C2orf74: variants seen among roughly 807,000 people sequenced by gnomAD.
C2orf74 encodes DPM1 ER membrane anchor 1, also known as uncharacterized protein C2orf74.
Under a neutral mutation model 17.9 loss-of-function variants are expected in C2orf74, and 14 were observed. The ratio of observed to expected loss-of-function variants is 0.78; its 90% CI spans 0.52 to 1.22. The LOEUF (loss-of-function observed/expected upper bound fraction) is 1.22. C2orf74 is among the 50% of genes most tolerant of loss of function. The probability of loss-of-function intolerance (pLI) is 0.00; values close to 1 mark genes in which losing one functional copy is unlikely to be tolerated. For synonymous variants in C2orf74, 79 were observed against 72.6 expected (o/e 1.09, Z -0.44); for missense variants, 217 against 218.4 (o/e 0.99, Z 0.04).
intron 1 of C2orf74, among the ~76,000 whole-genome samples, chr2:61,150,109 G>C (rs1024448691): frequency 6.6e-6 from 1 of 152,186 alleles, no homozygotes; most frequent in African/African-American, 2.4e-5. Context: ...GATATTCTCT[G>C]TAGGGCCAGG....
rs1277108635 is a variant in C2orf74 at position 61,164,775 on chromosome 2, A to G, written c.*248A>G. ...AATTGATTGTATTGCCCTTAAAACT[A>G]TCTACTCAAACACTGTTCTGGCATG... On this transcript the variant is annotated 3_prime_UTR_variant, in exon 5 of 5. Coordinates refer to ENST00000432605, the MANE Select transcript of C2orf74 (RefSeq NM_001143959.4). 6.4e-6 allele frequency: 2 copies of G among 314,342 alleles called. No homozygotes were observed. Among genetic ancestry groups the G allele is most frequent in the East Asian group, 1.2e-4 (2 of 16,572 alleles). 19.5% of individuals were successfully genotyped at this position (314,342 alleles called of 1,614,324 possible).
intron 4 of C2orf74, among the ~76,000 whole-genome samples, 176 bp downstream of exon 4, chr2:61,163,408 A>T (rs1685630811): frequency 6.6e-6 from 1 of 152,160 alleles, no homozygotes; most frequent in Admixed American, 6.5e-5. Context: ...CATCGAGACC[A>T]GCCTGGCCAA....
upstream of C2orf74, chr2:61,161,844 A>G (rs1685571587): frequency 1.3e-5 from 2 of 152,246 alleles, no homozygotes. Flanking sequence ...CCTTGAGCTC[A>G]GGGCTATAGA....
chr2:61,158,142 A>T (rs984451341), upstream of C2orf74: 11 of 377,950 alleles, frequency 2.9e-5, no homozygotes, highest in Non-Finnish European at 5.3e-5. Context: ...CATCTTCTGG[A>T]TAGTGCCTGA....
intron 1 of C2orf74, among the ~76,000 whole-genome samples, chr2:61,156,609 C>T (rs979657689): frequency 1.1e-4 from 17 of 151,820 alleles, no homozygotes; most frequent in Admixed American, 2.0e-4. Context: ...ATTGGCCGGG[C>T]GTGGTGGCTC....
intron 4 of C2orf74, 114 bp downstream of exon 4, chr2:61,163,346 C>A: frequency 8.8e-7 from 1 of 1,142,198 alleles, no homozygotes; most frequent in African/African-American, 1.6e-5. Flanking sequence ...GGGTGGCTCA[C>A]GCCTGTAATC....
At chr2:61,153,023 A>G (rs1573709921) in intron 1 of C2orf74, among the ~76,000 whole-genome samples, 1 of 150,970 alleles carries the variant, frequency 6.6e-6, no homozygotes, top group East Asian at 2.0e-4. Context: ...GTTGTAGTGC[A>G]TGCCTGTAAT....
chr2:61,158,787 G>C (rs1445690249), upstream of C2orf74, among the ~76,000 whole-genome samples: 1 of 152,154 alleles, frequency 6.6e-6, no homozygotes, highest in African/African-American at 2.4e-5. Context: ...TTCCTTGCCT[G>C]AAGGTCAGTT....
intron 1 of C2orf74, among the ~76,000 whole-genome samples, chr2:61,154,257 T>C (rs62151043): frequency 6.7e-6 from 1 of 149,638 alleles, no homozygotes; most frequent in Admixed American, 6.7e-5. Context: ...AAAAAAAATT[T>C]AGAATTCAAA....
upstream of C2orf74, among the ~76,000 whole-genome samples, chr2:61,161,058 C>A (rs982540768): frequency 6.6e-6 from 1 of 152,176 alleles, no homozygotes; most frequent in African/African-American, 2.4e-5. Flanking sequence ...TTCTCCATAT[C>A]CTCACCAATA....
At chr2:61,152,877 C>T (rs557792397) in intron 1 of C2orf74, among the ~76,000 whole-genome samples, 10 of 147,016 alleles carry the variant, frequency 6.8e-5, no homozygotes, top group African/African-American at 2.3e-4. Flanking sequence ...AAAAGCCAGG[C>T]GCGCGCGGTG....
upstream of C2orf74, chr2:61,161,986 G>A (rs1685574429): frequency 6.5e-6 from 1 of 154,718 alleles, no homozygotes; most frequent in African/African-American, 2.4e-5. Context: ...CTCAAAGAAT[G>A]GTCAAGACAG....
At chr2:61,149,232 G>T (rs1418006808) in intron 1 of C2orf74, among the ~76,000 whole-genome samples, 2 of 152,170 alleles carry the variant, frequency 1.3e-5, no homozygotes, top group Non-Finnish European at 2.9e-5. Flanking sequence ...GGGGATTAGA[G>T]TCGGGAGAGT....
In C2orf74 at chr2:61,164,609, CAACAA is replaced by C; in HGVS notation, c.*88_*92del. The stretch of plus-strand genomic sequence containing the variant: ...CTGAGGGTACAAAATCATGTTGAAA[CAACAA>C]AACAATGGGGAATTAAGCAAATAAA... On this transcript the variant is annotated 3_prime_UTR_variant, in exon 5 of 5. Coordinates refer to ENST00000432605, the MANE Select transcript of C2orf74 (RefSeq NM_001143959.4). 1 of 1,117,428 alleles carries C rather than the reference CAACAA, an allele frequency of 8.9e-7. No individual in the cohort carries two copies. The highest frequency in any genetic ancestry group is 1.2e-6 in the Non-Finnish European group (1 of 838,002). 69.2% of individuals were successfully genotyped at this position (1,117,428 alleles called of 1,614,324 possible).
chr2:61,163,357 C>T, intron 4 of C2orf74, 125 bp downstream of exon 4: 1 of 1,066,640 alleles, frequency 9.4e-7, no homozygotes, highest in Non-Finnish European at 1.3e-6. Context: ...GCCTGTAATC[C>T]CAGCATTTTG....
intron 1 of C2orf74, among the ~76,000 whole-genome samples, chr2:61,153,580 C>T (rs1460501704): frequency 6.7e-6 from 1 of 148,772 alleles, no homozygotes; most frequent in Non-Finnish European, 1.5e-5. Flanking sequence ...CCGCGCCTGG[C>T]CAAAGGTGTG....
chr2:61,159,634 TA>T (rs1185541799), upstream of C2orf74, among the ~76,000 whole-genome samples: 1 of 152,078 alleles, frequency 6.6e-6, no homozygotes, highest in Non-Finnish European at 1.5e-5. Context: ...GTGGGACAGG[TA>T]AAGGGCTGAG....
At position 61,164,601 on chromosome 2, in the gene C2orf74, T is replaced by G. The variant is rs1685675492; in HGVS notation, c.*74T>G. The G allele has an allele frequency of 8.4e-7, 1 of 1,185,318 alleles. No individual in the cohort carries two copies. The highest frequency in any genetic ancestry group is 1.1e-6 in the Non-Finnish European group (1 of 894,608). 73.4% of individuals were successfully genotyped at this position (1,185,318 alleles called of 1,614,324 possible). On this transcript the variant is annotated 3_prime_UTR_variant, in exon 5 of 5. Transcript: ENST00000432605. Reference sequence around the variant, plus strand: ...TTGAAAGACTGAGGGTACAAAATCATGTTGAAACAACAAAACAATGGGGAA... The same window carrying G: ...TTGAAAGACTGAGGGTACAAAATCAGGTTGAAACAACAAAACAATGGGGAA...
chr2:61,157,583 C>A (rs1451076386), upstream of C2orf74, among the ~76,000 whole-genome samples: 3 of 152,218 alleles, frequency 2.0e-5, no homozygotes, highest in African/African-American at 7.2e-5. Context: ...GTCAAGCCTT[C>A]AGGCATAGCT....
Sources: gnomAD v4.1 joint callset for allele counts (sites outside exome capture counted in the v4.1 genomes callset) on GRCh38, gnomAD v4.1.1 for gene constraint, MANE v1.5 for transcripts, NCBI Gene and HGNC (gene_info 2026-07-23, HGNC 2026-07-21) for gene names.